The following WWOX variants were observed in gnomAD, a reference collection of about 807,000 sequenced individuals.
The protein encoded by WWOX is WW domain-containing oxidoreductase.
Under a neutral mutation model 46.2 loss-of-function variants are expected in WWOX, and 69 were observed. That is an observed-to-expected ratio of 1.49 (90% confidence interval 1.23 to 1.82). The LOEUF is 1.82. WWOX is among the 40% of genes most tolerant of loss of function. The probability of loss-of-function intolerance (pLI) is 0.00; values close to 1 mark genes in which losing one functional copy is unlikely to be tolerated. For synonymous variants in WWOX, 359 were observed against 202.6 expected, an observed-to-expected ratio of 1.77 and a Z score of -6.56; for missense variants, 919 against 542.6, an observed-to-expected ratio of 1.69 and a Z score of -6.89.
chr16:78,388,925 A>C (rs900300478), intron 6 of WWOX, among the ~76,000 whole-genome samples: 2 of 151,634 alleles, frequency 1.3e-5, no homozygotes, highest in African/African-American at 4.8e-5. Flanking sequence ...GCTGAGACTG[A>C]ACCAGTGCAC....
chr16:78,317,542 G>GA (rs1179376110), intron 5 of WWOX, among the ~76,000 whole-genome samples: 1 of 152,196 alleles, frequency 6.6e-6, no homozygotes, highest in African/African-American at 2.4e-5. Flanking sequence ...TAATGGCAGA[G>GA]AAAAGTACCT....
intron 4 of WWOX, among the ~76,000 whole-genome samples, chr16:78,115,916 C>T (rs1461108017): frequency 6.6e-6 from 1 of 152,190 alleles, no homozygotes; most frequent in Admixed American, 6.5e-5. Flanking sequence ...CTGTCAAGTT[C>T]TCTCTGTCCT....
chr16:78,149,588 A>C (rs2034326820), intron 4 of WWOX, among the ~76,000 whole-genome samples: 1 of 152,226 alleles, frequency 6.6e-6, no homozygotes, highest in South Asian at 2.1e-4. Flanking sequence ...CGAAGGGAGC[A>C]CTGGTAGGCT....
intron 8 of WWOX, among the ~76,000 whole-genome samples, chr16:78,908,872 C>T (rs923219821): frequency 6.6e-6 from 1 of 152,204 alleles, no homozygotes; most frequent in African/African-American, 2.4e-5. Context: ...ACCATAGTGA[C>T]ATTATCCCCT....
chr16:78,157,014 G>A (rs996030138), intron 4 of WWOX, among the ~76,000 whole-genome samples: 9 of 152,092 alleles, frequency 5.9e-5, no homozygotes, highest in African/African-American at 9.7e-5. Flanking sequence ...TGTTAAAAAC[G>A]TAGCTGCTAT....
chr16:78,554,524 G>C (rs2044244234), intron 8 of WWOX, among the ~76,000 whole-genome samples: 1 of 152,082 alleles, frequency 6.6e-6, no homozygotes, highest in Non-Finnish European at 1.5e-5. Flanking sequence ...CACAGTAATA[G>C]ATATAGGTAA....
intron 8 of WWOX, among the ~76,000 whole-genome samples, chr16:79,183,323 A>G (rs904979153): frequency 6.6e-6 from 1 of 152,220 alleles, no homozygotes; most frequent in Non-Finnish European, 1.5e-5. Flanking sequence ...TTGTCCTCCC[A>G]GAAGGAAAAA....
At chr16:78,558,245 C>A (rs1047726856) in intron 8 of WWOX, among the ~76,000 whole-genome samples, 8 of 152,214 alleles carry the variant, frequency 5.3e-5, no homozygotes, top group Non-Finnish European at 1.0e-4. Flanking sequence ...AAGAAAATTT[C>A]TAGTGCCTGG....
intron 8 of WWOX, among the ~76,000 whole-genome samples, chr16:78,599,933 C>T (rs991922105): frequency 9.9e-5 from 15 of 152,124 alleles, no homozygotes; most frequent in African/African-American, 2.4e-4. Flanking sequence ...TAGTCTGTTT[C>T]CTTGCTGTTG....
intron 5 of WWOX, among the ~76,000 whole-genome samples, chr16:78,302,727 A>C (rs1597458613): frequency 6.6e-6 from 1 of 151,750 alleles, no homozygotes; most frequent in African/African-American, 2.4e-5. Flanking sequence ...AGCTTTACAC[A>C]CTCCTGCTAC....
At chr16:78,861,275 G>C (rs566648706) in intron 8 of WWOX, among the ~76,000 whole-genome samples, 4 of 152,250 alleles carry the variant, frequency 2.6e-5, no homozygotes, top group Middle Eastern at 6.8e-3. Context: ...AAGCTGGGAC[G>C]TAAGTCTTCT....
intron 5 of WWOX, among the ~76,000 whole-genome samples, chr16:78,238,563 A>T (rs1188946566): frequency 6.6e-6 from 1 of 152,052 alleles, no homozygotes; most frequent in African/African-American, 2.4e-5. Context: ...TTGTTATAGG[A>T]TGTTGCCCCA....
chr16:78,271,115 G>GT (rs1425859764), intron 5 of WWOX, among the ~76,000 whole-genome samples: 1 of 152,188 alleles, frequency 6.6e-6, no homozygotes, highest in Non-Finnish European at 1.5e-5. Context: ...TTTAAATTGT[G>GT]TTTTTAAGTA....
chr16:78,832,127 T>C (rs968956423), intron 8 of WWOX, among the ~76,000 whole-genome samples: 1 of 152,190 alleles, frequency 6.6e-6, no homozygotes, highest in Non-Finnish European at 1.5e-5. Context: ...TCAGGGTCTT[T>C]TCTGAAGTTG....
intron 8 of WWOX, among the ~76,000 whole-genome samples, chr16:78,710,163 A>G (rs1478680024): frequency 6.6e-6 from 1 of 151,822 alleles, no homozygotes; most frequent in East Asian, 1.9e-4. Context: ...TGTGTTTACC[A>G]CCTAGAGGCC....
At chr16:78,992,005 T>G (rs1450103675) in intron 8 of WWOX, among the ~76,000 whole-genome samples, 1 of 152,226 alleles carries the variant, frequency 6.6e-6, no homozygotes, top group African/African-American at 2.4e-5. Context: ...GAAACTCACC[T>G]GAAGGATCTT....
In WWOX at chr16:78,755,487, A is replaced by T. The variant is rs1248686719; in HGVS notation, c.1056+322735A>T. 2.6e-5 allele frequency among the ~76,000 whole-genome samples: 4 copies of T among 152,302 alleles called. No homozygotes were observed. The East Asian group carries it at 7.7e-4, about 29-fold the overall frequency. On this transcript the variant is annotated intron_variant, in intron 8 of 8. Coordinates refer to ENST00000566780, the MANE Select transcript of WWOX (RefSeq NM_016373.4). ...GGCTGCATGATGATGAGGGAGGAAC[A>T]AAGATGTTCTTGAGTCAGTACCTGC...
chr16:79,050,735 G>A (rs2048151095), intron 8 of WWOX, among the ~76,000 whole-genome samples: 1 of 152,204 alleles, frequency 6.6e-6, no homozygotes, highest in South Asian at 2.1e-4. Flanking sequence ...ATAGGTTGGG[G>A]GAAGGAGGTA....
chr16:78,916,379 A>G (rs1288085842), intron 8 of WWOX, among the ~76,000 whole-genome samples: 1 of 152,308 alleles, frequency 6.6e-6, no homozygotes, highest in East Asian at 1.9e-4. Context: ...GCTATGATTA[A>G]TCCCCCAAAA....
Sources: gnomAD v4.1 joint callset for allele counts (sites outside exome capture counted in the v4.1 genomes callset) on GRCh38, gnomAD v4.1.1 for gene constraint, MANE v1.5 for transcripts, NCBI Gene and HGNC (gene_info 2026-07-23, HGNC 2026-07-21) for gene names.